Variants in TWSG1 observed in about 807,000 individuals in gnomAD.
The protein encoded by TWSG1 is twisted gastrulation protein homolog 1.
In TWSG1, 15 loss-of-function variants were observed where a neutral mutation model predicts 23.0. The observed-to-expected ratio is 0.65, with a 90% CI of 0.44 to 1.00. The LOEUF (loss-of-function observed/expected upper bound fraction) is 1.00, where lower values mean the gene tolerates loss of function less well. TWSG1 is among the 50% of genes least tolerant of loss of function. The pLI is 0.00. For synonymous variants in TWSG1, 86 were observed against 92.8 expected, an observed-to-expected ratio of 0.93 and a Z score of 0.42; for missense variants, 242 against 278.7, an observed-to-expected ratio of 0.87 and a Z score of 0.94.
At chr18:9,338,719 G>C (rs1388199432) in intron 2 of TWSG1, among the ~76,000 whole-genome samples, 1 of 152,166 alleles carries the variant, frequency 6.6e-6, no homozygotes, top group Non-Finnish European at 1.5e-5. Context: ...GCCCAGTTTT[G>C]TGCTATGGTC....
intron 2 of TWSG1, among the ~76,000 whole-genome samples, chr18:9,349,155 T>A (rs569888484): frequency 1.3e-4 from 20 of 152,052 alleles, no homozygotes; most frequent in Admixed American, 7.2e-4. Context: ...AAAAAAAAAA[T>A]TTGGTAATAT....
At chr18:9,379,004 T>C (rs114007343) in intron 3 of TWSG1, among the ~76,000 whole-genome samples, 4,258 of 152,118 alleles carry the variant, frequency 0.028, 189 homozygotes, top group African/African-American at 0.099. Context: ...GGCTATGATA[T>C]TAAAAAGTCA....
intron 3 of TWSG1, among the ~76,000 whole-genome samples, chr18:9,381,140 T>C (rs1476114161): frequency 2.6e-5 from 4 of 152,216 alleles, no homozygotes; most frequent in Admixed American, 6.5e-5. Flanking sequence ...AAAACTTGTG[T>C]CTACTCTCAA....
intron 3 of TWSG1, among the ~76,000 whole-genome samples, chr18:9,367,349 C>T (rs2040584453): frequency 6.6e-6 from 1 of 152,170 alleles, no homozygotes; most frequent in African/African-American, 2.4e-5. Flanking sequence ...ATGGACACCT[C>T]CCCTTTCCTC....
intron 3 of TWSG1, among the ~76,000 whole-genome samples, chr18:9,387,829 T>G (rs1232439227): frequency 1.3e-5 from 2 of 151,930 alleles, no homozygotes; most frequent in Non-Finnish European, 2.9e-5. Context: ...CTACTTTCTT[T>G]CAGTGTCAAT....
intron 3 of TWSG1, among the ~76,000 whole-genome samples, chr18:9,367,362 C>T (rs1467048709): frequency 6.6e-6 from 1 of 152,174 alleles, no homozygotes; most frequent in East Asian, 1.9e-4. Context: ...CTTTCCTCAG[C>T]TCCTGGTAAC....
intron 3 of TWSG1, among the ~76,000 whole-genome samples, chr18:9,364,610 A>C (rs1263303997): frequency 6.6e-6 from 1 of 152,000 alleles, no homozygotes; most frequent in East Asian, 1.9e-4. Flanking sequence ...CCTAGCCAAC[A>C]TGACGAAATC....
intron 3 of TWSG1, among the ~76,000 whole-genome samples, chr18:9,393,671 C>T (rs1275462716): frequency 6.6e-6 from 1 of 152,164 alleles, no homozygotes; most frequent in Non-Finnish European, 1.5e-5. Flanking sequence ...GATCCTCCCA[C>T]TTCAGCCTCC....
intron 3 of TWSG1, chr18:9,388,568 T>C (rs2040696302): frequency 6.6e-6 from 1 of 152,272 alleles, no homozygotes; most frequent in Admixed American, 6.5e-5. Flanking sequence ...TTAGTATCTT[T>C]AACAGCAAAT....
At chr18:9,396,839 T>A (rs1168094577) in intron 4 of TWSG1, 2 of 480,660 alleles carry the variant, frequency 4.2e-6, no homozygotes, top group African/African-American at 4.0e-5. Context: ...GGCAGGTGGA[T>A]CACGAGGTCA....
At chr18:9,345,527 A>C (rs999422446) in intron 2 of TWSG1, among the ~76,000 whole-genome samples, 2 of 152,260 alleles carry the variant, frequency 1.3e-5, no homozygotes, top group South Asian at 4.2e-4. Flanking sequence ...TTTCTCCCCC[A>C]CTGAGTTATA....
intron 3 of TWSG1, among the ~76,000 whole-genome samples, chr18:9,387,111 A>T (rs2040688269): frequency 6.6e-6 from 1 of 152,236 alleles, no homozygotes; most frequent in East Asian, 1.9e-4. Context: ...ATAAGCACAC[A>T]GGAGGCATGG....
rs562203658 is a variant in TWSG1, at chr18:9,336,110, T to TG, written c.-37-1081dup. 2.9e-3 allele frequency among the ~76,000 whole-genome samples: 448 copies of TG among 152,232 alleles called. 2 individuals carry two copies. The highest frequency in any genetic ancestry group is 0.01 in the Middle Eastern group (3 of 294). On this transcript the variant is annotated intron_variant, in intron 1 of 4. Transcript: ENST00000262120. Reference sequence around the variant, plus strand: ...TACTAATAGAATTAAAAGAATATCTTGGCCGGGCGCGGTAGCTCACCCCTG... The same window carrying TG: ...TACTAATAGAATTAAAAGAATATCTTGGGCCGGGCGCGGTAGCTCACCCCTG...
At chr18:9,355,842 A>G (rs1414540976) in intron 2 of TWSG1, among the ~76,000 whole-genome samples, 1 of 152,202 alleles carries the variant, frequency 6.6e-6, no homozygotes, top group African/African-American at 2.4e-5. Context: ...TTATTTGCCC[A>G]TCTCCTAAAA....
chr18:9,388,545 A>G (rs1212268070), intron 3 of TWSG1: 1 of 152,250 alleles, frequency 6.6e-6, no homozygotes, highest in Non-Finnish European at 1.5e-5. Flanking sequence ...GGCTAGGGAA[A>G]GTGGAAAAGA....
intron 2 of TWSG1, among the ~76,000 whole-genome samples, chr18:9,344,843 G>A (rs2040469260): frequency 1.3e-5 from 2 of 151,944 alleles, no homozygotes; most frequent in African/African-American, 4.8e-5. Flanking sequence ...GAACTCCTGG[G>A]CCAACACGAT....
chr18:9,337,354 T>C lies in TWSG1; in HGVS notation c.123+2T>C. ...GATGTGAGCAAATGCCTCATTCAGG[T>C]AGGACTAAGAGTACTTTTATTAATA... is the stretch of plus-strand genomic sequence containing the variant. On this transcript the variant is annotated splice_donor_variant, in intron 2 of 4. Transcript: ENST00000262120. LOFTEE classifies it high-confidence loss of function. 1 of 1,612,508 alleles carries C rather than the reference T, an allele frequency of 6.2e-7. No individual in the cohort carries two copies. The highest frequency in any genetic ancestry group is 8.5e-7 in the Non-Finnish European group (1 of 1,179,538).
At chr18:9,385,382 T>C (rs1027410465) in intron 3 of TWSG1, among the ~76,000 whole-genome samples, 4 of 151,934 alleles carry the variant, frequency 2.6e-5, no homozygotes, top group African/African-American at 9.7e-5. Flanking sequence ...AAAAATAGAA[T>C]AAGTGTAGCT....
chr18:9,350,677 T>C (rs1329044296), intron 2 of TWSG1, among the ~76,000 whole-genome samples: 2 of 152,360 alleles, frequency 1.3e-5, no homozygotes, highest in Middle Eastern at 3.4e-3. Flanking sequence ...TGCTGACTTA[T>C]TTAGCCAAAA....
Sources: gnomAD v4.1 joint callset for allele counts (sites outside exome capture counted in the v4.1 genomes callset) on GRCh38, gnomAD v4.1.1 for gene constraint, MANE v1.5 for transcripts, NCBI Gene and HGNC (gene_info 2026-07-23, HGNC 2026-07-21) for gene names.